The following SGCD variants were observed in gnomAD, a reference collection of about 807,000 sequenced individuals.
The protein encoded by SGCD is delta-sarcoglycan.
SGCD carries 18 observed loss-of-function variants against 36.6 expected under a neutral mutation model. That is an observed-to-expected ratio of 0.49 (90% CI 0.34 to 0.73). The LOEUF is 0.73. SGCD is among the 30% of genes least tolerant of loss of function. The pLI, the probability that SGCD is intolerant of heterozygous loss-of-function variation, is 0.01. For synonymous variants in SGCD, 133 were observed against 130.6 expected, an observed-to-expected ratio of 1.02 and a Z score of -0.12; for missense variants, 387 against 346.7, an observed-to-expected ratio of 1.12 and a Z score of -0.92.
chr5:156,409,060 C>T (rs371296889), intron 3 of SGCD, among the ~76,000 whole-genome samples: 18 of 152,160 alleles, frequency 1.2e-4, no homozygotes, highest in African/African-American at 4.8e-5. Flanking sequence ...ATATACTTAA[C>T]GCTTCTTCAT....
chr5:156,258,436 A>G (rs771291669), intron 3 of SGCD, among the ~76,000 whole-genome samples: 1 of 152,218 alleles, frequency 6.6e-6, no homozygotes, highest in Non-Finnish European at 1.5e-5. Context: ...AATTGAGTAA[A>G]TAAAAGTTCA....
chr5:155,858,425 A>G, the SGCD span, among the ~76,000 whole-genome samples: 1 of 152,200 alleles, frequency 6.6e-6, no homozygotes, highest in Non-Finnish European at 1.5e-5. Flanking sequence ...ACTTGTTTTA[A>G]ATAACATAAT....
chr5:156,674,410 T>G (rs1157595116), intron 7 of SGCD, among the ~76,000 whole-genome samples: 2 of 152,208 alleles, frequency 1.3e-5, no homozygotes, highest in Admixed American at 1.3e-4. Flanking sequence ...AGAATTTTCT[T>G]CTTTATTCTT....
At chr5:156,512,681 G>C (rs1185715412) in intron 4 of SGCD, among the ~76,000 whole-genome samples, 1 of 152,104 alleles carries the variant, frequency 6.6e-6, no homozygotes, top group East Asian at 1.9e-4. Context: ...AAATATGTCT[G>C]TTCACATGAA....
intron 3 of SGCD, among the ~76,000 whole-genome samples, chr5:156,488,155 A>C (rs1159422207): frequency 6.7e-6 from 1 of 149,054 alleles, no homozygotes; most frequent in African/African-American, 2.4e-5. Context: ...AAATAAAAAG[A>C]AAACAGTGAA....
chr5:156,644,412 C>T (rs185508420), intron 6 of SGCD, among the ~76,000 whole-genome samples: 100 of 152,036 alleles, frequency 6.6e-4, no homozygotes, highest in Middle Eastern at 3.4e-3. Context: ...AAGAATTACG[C>T]GTTTTTAGGG....
chr5:155,909,471 G>A (rs934055680), intron 1 of SGCD, among the ~76,000 whole-genome samples: 3 of 152,040 alleles, frequency 2.0e-5, no homozygotes, highest in African/African-American at 7.2e-5. Flanking sequence ...GAGCATGCGC[G>A]GGTTATTGAG....
intron 4 of SGCD, among the ~76,000 whole-genome samples, chr5:156,561,776 G>A (rs770044199): frequency 5.1e-4 from 78 of 152,166 alleles, no homozygotes; most frequent in Non-Finnish European, 2.1e-4. Context: ...ATGTTTTAAT[G>A]TGGTCTTATG....
chr5:156,413,120 C>T (rs912888976), intron 3 of SGCD, among the ~76,000 whole-genome samples: 3 of 152,118 alleles, frequency 2.0e-5, no homozygotes, highest in East Asian at 1.9e-4. Context: ...TTGTTCTCAT[C>T]GAGGACACAG....
At chr5:156,203,546 A>G (rs1400661028) in intron 3 of SGCD, among the ~76,000 whole-genome samples, 5 of 152,124 alleles carry the variant, frequency 3.3e-5, no homozygotes, top group Non-Finnish European at 7.4e-5. Flanking sequence ...TTATTCTTTC[A>G]TCCCACATTT....
At chr5:156,342,798 CT>C (rs1768733238) in intron 2 of SGCD, among the ~76,000 whole-genome samples, 2 of 152,210 alleles carry the variant, frequency 1.3e-5, no homozygotes, top group Non-Finnish European at 2.9e-5. Flanking sequence ...TAGCTTAAAC[CT>C]TTACATACCC....
At chr5:156,660,425 G>A (rs904924366) in intron 7 of SGCD, among the ~76,000 whole-genome samples, 7 of 152,280 alleles carry the variant, frequency 4.6e-5, no homozygotes, top group African/African-American at 1.7e-4. Flanking sequence ...TTGCATCTCC[G>A]ATGGGTTCAT....
intron 2 of SGCD, among the ~76,000 whole-genome samples, chr5:156,339,935 T>A (rs994978425): frequency 6.6e-6 from 1 of 152,254 alleles, no homozygotes; most frequent in Non-Finnish European, 1.5e-5. Flanking sequence ...TGTCTCTTCA[T>A]ATGACAGCTA....
rs576995541 is a variant in SGCD at position 156,419,706 on chromosome 5, G to A, written c.192+75029G>A. ...GCAATATTTATTAGTTTCATAAGTG[G>A]GCAAGAGAAAATAGACTGCCTTAAT... is the stretch of plus-strand genomic sequence containing the variant. On this transcript the variant is annotated intron_variant, in intron 3 of 8. Coordinates refer to ENST00000337851, the MANE Select transcript of SGCD (RefSeq NM_000337.6). Among the ~76,000 whole-genome samples, 8 of 152,148 alleles carry A rather than the reference G, an allele frequency of 5.3e-5. No homozygotes were observed. The South Asian group carries it at 1.7e-3, about 32-fold the overall frequency.
intron 7 of SGCD, among the ~76,000 whole-genome samples, chr5:156,652,952 A>T (rs2113604565): frequency 6.6e-6 from 1 of 152,244 alleles, no homozygotes. Context: ...AGGCTATTTA[A>T]TCATGGTAAA....
chr5:156,363,899 A>G (rs1007236704), intron 3 of SGCD, among the ~76,000 whole-genome samples: 6 of 152,194 alleles, frequency 3.9e-5, no homozygotes, highest in Non-Finnish European at 5.9e-5. Context: ...CCAGGAGCAC[A>G]CAGAAAAACT....
intron 7 of SGCD, among the ~76,000 whole-genome samples, chr5:156,739,975 G>A (rs1756585610): frequency 6.6e-6 from 1 of 152,178 alleles, no homozygotes; most frequent in African/African-American, 2.4e-5. Context: ...AGTGATACTT[G>A]CCATGGACTT....
At chr5:156,038,428 T>G (rs1490944800) in intron 1 of SGCD, among the ~76,000 whole-genome samples, 2 of 152,070 alleles carry the variant, frequency 1.3e-5, no homozygotes, top group African/African-American at 2.4e-5. Context: ...TATAATGTAG[T>G]GAATAGTATT....
the SGCD span, among the ~76,000 whole-genome samples, chr5:155,767,348 C>T: frequency 6.6e-6 from 1 of 152,200 alleles, no homozygotes. Context: ...ATAGAGAAAT[C>T]ATTGCATCCG....
Sources: gnomAD v4.1 joint callset for allele counts (sites outside exome capture counted in the v4.1 genomes callset) on GRCh38, gnomAD v4.1.1 for gene constraint, MANE v1.5 for transcripts, NCBI Gene and HGNC (gene_info 2026-07-23, HGNC 2026-07-21) for gene names.